The following NRP1 variants were observed in gnomAD, a reference collection of about 807,000 sequenced individuals.
NRP1 encodes the protein neuropilin 1, also known as neuropilin-1.
Under a neutral mutation model 106.7 loss-of-function variants are expected in NRP1, and 35 were observed. The observed-to-expected ratio is 0.33, with a 90% CI of 0.25 to 0.43. NRP1 has a LOEUF of 0.43. Among genes scored for constraint, NRP1 ranks in the 20% least tolerant of loss-of-function variants. NRP1 has a pLI of 1.00. For synonymous variants in NRP1, 437 were observed against 417.9 expected (o/e 1.05, Z -0.56); for missense variants, 1,024 against 1,170.4 (o/e 0.87, Z 1.83).
intron 12 of NRP1, chr10:33,194,460 C>A: frequency 4.1e-6 from 1 of 242,530 alleles, no homozygotes. Context: ...TCTTCATATT[C>A]TGATGATACC....
At chr10:33,230,066 C>CT (rs1839985250) in intron 6 of NRP1, among the ~76,000 whole-genome samples, 1 of 146,508 alleles carries the variant, frequency 6.8e-6, no homozygotes, top group Non-Finnish European at 1.5e-5. Context: ...ACCCAGAACT[C>CT]TAACAACATA....
rs57582967 is a variant in NRP1, at chr10:33,199,365, T to TTATATATATATA, written c.1865-1657_1865-1656insTATATATATATA. Among the ~76,000 whole-genome samples, 437 of 64,226 alleles carry TTATATATATATA rather than the reference T, an allele frequency of 6.8e-3. 15 individuals are homozygous for TTATATATATATA. Among genetic ancestry groups the TTATATATATATA allele is most frequent in the East Asian group, 0.027 (17 of 640 alleles). 42.1% of individuals were successfully genotyped at this position (64,226 alleles called of 152,430 possible). A position where few individuals can be genotyped will look rare whatever the true frequency, so the allele number is the denominator to read the frequency against. ...GTGTGCGCCACCATGCCTGGCTGTT[T>TTATATATATATA]TCTATATATATATATATATATATAT... On this transcript the variant is annotated intron_variant, in intron 11 of 16. Transcript: ENST00000374867.
intron 12 of NRP1, among the ~76,000 whole-genome samples, chr10:33,196,093 C>T (rs1291148231): frequency 6.6e-6 from 1 of 152,104 alleles, no homozygotes; most frequent in Non-Finnish European, 1.5e-5. Context: ...TATTGACCTT[C>T]AACATTCAGG....
chr10:33,280,246 T>C (rs1844018144), intron 2 of NRP1, among the ~76,000 whole-genome samples: 1 of 152,216 alleles, frequency 6.6e-6, no homozygotes, highest in African/African-American at 2.4e-5. Flanking sequence ...TGGGAAAATA[T>C]TTCTCTGATT....
intron 3 of NRP1, among the ~76,000 whole-genome samples, chr10:33,264,976 C>T (rs1476472977): frequency 6.6e-6 from 1 of 151,824 alleles, no homozygotes; most frequent in African/African-American, 2.4e-5. Context: ...TGGGCGTGGT[C>T]GTGGGCACCT....
chr10:33,183,857 TAAAC>T (rs757152896), intron 15 of NRP1, among the ~76,000 whole-genome samples: 5 of 152,186 alleles, frequency 3.3e-5, no homozygotes, highest in Admixed American at 6.5e-5. Flanking sequence ...CATAAACAAA[TAAAC>T]AAAGTGGTTT....
At chr10:33,305,297 T>C (rs1293172457) in intron 2 of NRP1, among the ~76,000 whole-genome samples, 1 of 152,168 alleles carries the variant, frequency 6.6e-6, no homozygotes, top group Non-Finnish European at 1.5e-5. Flanking sequence ...AAAATAATAA[T>C]TGATGCATGT....
At chr10:33,205,071 A>G (rs1837657530) in intron 10 of NRP1, among the ~76,000 whole-genome samples, 1 of 152,156 alleles carries the variant, frequency 6.6e-6, no homozygotes, top group Admixed American at 6.5e-5. Flanking sequence ...CTAGCACAAA[A>G]TAGGACAGAC....
At chr10:33,272,720 C>T (rs1843394731) in intron 2 of NRP1, among the ~76,000 whole-genome samples, 1 of 152,058 alleles carries the variant, frequency 6.6e-6, no homozygotes, top group Non-Finnish European at 1.5e-5. Context: ...CATGTTTCGC[C>T]CCACGCTTTC....
At chr10:33,206,427 G>A (rs1441415614) in intron 10 of NRP1, 3 of 446,636 alleles carry the variant, frequency 6.7e-6, no homozygotes. Context: ...GGAGAAAATG[G>A]CCTGCTTTTA....
chr10:33,200,550 A>C (rs1837215694), intron 11 of NRP1, among the ~76,000 whole-genome samples: 1 of 152,216 alleles, frequency 6.6e-6, no homozygotes, highest in Non-Finnish European at 1.5e-5. Flanking sequence ...GACAACCCCT[A>C]AAGACAGCAT....
Position 33,334,491 on chromosome 10 carries a change from CTGT to C in NRP1, c.-112_-110del. On this transcript the variant is annotated 5_prime_UTR_variant, in exon 1 of 17. Coordinates refer to ENST00000374867, the MANE Select transcript of NRP1 (RefSeq NM_003873.7). ...CGAAGAGCCCCAACTCCGCCTAGAG[CTGT>C]ACAATCCTCAGCCCGTCTTGGAGAA... 1 of 887,832 alleles carries C rather than the reference CTGT, an allele frequency of 1.1e-6. No individual in the cohort carries two copies. The highest frequency in any genetic ancestry group is 1.7e-6 in the Non-Finnish European group (1 of 577,972). 55.0% of individuals were successfully genotyped at this position (887,832 alleles called of 1,614,324 possible).
chr10:33,288,638 A>G (rs565784300), intron 2 of NRP1: 3 of 152,178 alleles, frequency 2.0e-5, no homozygotes, highest in African/African-American at 7.2e-5. Context: ...CAAGAGCCTG[A>G]TGTCGCTTAT....
chr10:33,228,170 T>C lies in NRP1; in HGVS notation c.982-1881A>G, dbSNP rs142707730. On this transcript the variant is annotated intron_variant, in intron 6 of 16. Transcript: ENST00000374867. ...AAAAAGTCCACAAATATATGGCAAA[T>C]ATTTTTTTAAAGGACACAGAAAATA... Among the ~76,000 whole-genome samples, 660 of 152,118 alleles carry C rather than the reference T, an allele frequency of 4.3e-3. 7 individuals carry two copies. Among genetic ancestry groups the C allele is most frequent in the Non-Finnish European group, 6.3e-3 (429 of 68,002 alleles).
chr10:33,269,810 C>T (rs1023200079), intron 3 of NRP1, among the ~76,000 whole-genome samples: 3 of 152,168 alleles, frequency 2.0e-5, no homozygotes, highest in South Asian at 2.1e-4. Flanking sequence ...ATCCAGGTTG[C>T]GCACTCCTTA....
At chr10:33,206,455 G>T (rs1276286121) in intron 10 of NRP1, 1 of 387,336 alleles carries the variant, frequency 2.6e-6, no homozygotes, top group African/African-American at 2.1e-5. Context: ...ACATTGAAAA[G>T]TAGCTATGAA....
At chr10:33,254,247 C>T (rs552322792) in intron 5 of NRP1, 53 bp from the exon 6 acceptor site, 6 of 1,498,838 alleles carry the variant, frequency 4.0e-6, no homozygotes, top group Admixed American at 2.3e-5. Context: ...ATTTAAGATG[C>T]ATTTTTCTTT....
At chr10:33,191,953 G>C (rs949788164) in intron 13 of NRP1, among the ~76,000 whole-genome samples, 1 of 144,990 alleles carries the variant, frequency 6.9e-6, no homozygotes, top group Non-Finnish European at 1.5e-5. Flanking sequence ...ATTCCAGCCC[G>C]GGCAACAGTG....
intron 2 of NRP1, among the ~76,000 whole-genome samples, chr10:33,308,983 C>T (rs1264436128): frequency 1.3e-5 from 2 of 151,662 alleles, no homozygotes; most frequent in Non-Finnish European, 2.9e-5. Flanking sequence ...AAATGTTAGC[C>T]CCAAATAAAG....
Sources: gnomAD v4.1 joint callset for allele counts (sites outside exome capture counted in the v4.1 genomes callset) on GRCh38, gnomAD v4.1.1 for gene constraint, MANE v1.5 for transcripts, NCBI Gene and HGNC (gene_info 2026-07-23, HGNC 2026-07-21) for gene names.